Variants in NEMF observed in about 807,000 individuals in gnomAD.
NEMF encodes the protein nuclear export mediator factor.
A neutral mutation model predicts 162.2 loss-of-function variants in NEMF; 89 were observed. The ratio of observed to expected loss-of-function variants is 0.55; its 90% confidence interval spans 0.46 to 0.65. NEMF has a LOEUF of 0.65. Among genes scored for constraint, NEMF ranks in the 30% least tolerant of loss-of-function variants. The pLI, the probability that NEMF is intolerant of heterozygous loss-of-function variation, is 0.00. For synonymous variants in NEMF, 421 were observed against 404.5 expected, an observed-to-expected ratio of 1.04 and a Z score of -0.49; for missense variants, 1,133 against 1,261.9, an observed-to-expected ratio of 0.90 and a Z score of 1.55.
intron 8 of NEMF, 26 bp downstream of exon 8, chr14:49,833,397 T>C (rs367680470): frequency 1.4e-6 from 2 of 1,399,880 alleles, no homozygotes; most frequent in African/African-American, 2.8e-5. Flanking sequence ...ATCACAACAA[T>C]ATATAGTAAG....
In NEMF at chr14:49,808,760, A is replaced by G. The variant is rs1003916959; in HGVS notation, c.1745-2627T>C. On this transcript the variant is annotated intron_variant, in intron 18 of 32. Transcript: ENST00000298310. ...AAAAGTTAAGCCACTGACTGGCAGA[A>G]AATACTTGCAAAAGACATAGCAGAT... 2.0e-5 allele frequency among the ~76,000 whole-genome samples: 3 copies of G among 151,578 alleles called. No individual in the cohort carries two copies. In the Admixed American group the frequency reaches 2.0e-4, roughly 10 times the overall value.
chr14:49,798,138 C>T (rs755860550), intron 25 of NEMF, among the ~76,000 whole-genome samples: 10 of 152,206 alleles, frequency 6.6e-5, no homozygotes, highest in African/African-American at 1.9e-4. Context: ...GGTTGAAAAA[C>T]GAATGAATGA....
At chr14:49,786,887 T>TTA (rs1890203511) in intron 28 of NEMF, 137 bp from the exon 29 acceptor site, 2 of 706,894 alleles carry the variant, frequency 2.8e-6, no homozygotes, top group Admixed American at 5.4e-5. Flanking sequence ...GGCCTCAAGG[T>TTA]TATATTCTTC....
chr14:49,813,816 C>A (rs934294980), intron 18 of NEMF, among the ~76,000 whole-genome samples, 172 bp downstream of exon 18: 4 of 152,050 alleles, frequency 2.6e-5, no homozygotes, highest in African/African-American at 9.7e-5. Flanking sequence ...CTTGCCCAGT[C>A]TGGTCTCAAA....
chr14:49,851,910 C>T (rs1459639712), intron 1 of NEMF, 35 bp from the exon 2 acceptor site: 4 of 1,253,558 alleles, frequency 3.2e-6, no homozygotes, highest in East Asian at 2.3e-5. Flanking sequence ...ACATGTTACA[C>T]TATTGTCTGA....
intron 26 of NEMF, among the ~76,000 whole-genome samples, chr14:49,793,462 C>T (rs1242345977): frequency 1.3e-5 from 2 of 152,066 alleles, no homozygotes; most frequent in Non-Finnish European, 2.9e-5. Flanking sequence ...GCAGATTGCT[C>T]AGTTATAGTT....
At chr14:49,825,698 T>G (rs1381437111) in intron 16 of NEMF, among the ~76,000 whole-genome samples, 169 bp downstream of exon 16, 1 of 152,210 alleles carries the variant, frequency 6.6e-6, no homozygotes, top group Non-Finnish European at 1.5e-5. Flanking sequence ...TTCATGCCAC[T>G]GTATTCCACC....
chr14:49,841,570 C>T (rs1187874278), intron 4 of NEMF, among the ~76,000 whole-genome samples: 2 of 111,760 alleles, frequency 1.8e-5, no homozygotes, highest in Middle Eastern at 6.6e-3. Context: ...GCGAAACTCT[C>T]GTCTTAAGAA....
chr14:49,844,735 G>GCACACA (rs1334947542), intron 4 of NEMF: 205 of 158,428 alleles, frequency 1.3e-3, no homozygotes, highest in African/African-American at 3.8e-3. Context: ...GCGCACGCGC[G>GCACACA]CGCACACACA....
intron 4 of NEMF, 164 bp downstream of exon 4, chr14:49,845,976 G>A (rs917310802): frequency 1.7e-6 from 1 of 575,162 alleles, no homozygotes; most frequent in African/African-American, 1.9e-5. Flanking sequence ...TAAAATGAAG[G>A]TTATTACTGG....
At chr14:49,830,967 A>G (rs1892604218) in intron 11 of NEMF, among the ~76,000 whole-genome samples, 1 of 152,228 alleles carries the variant, frequency 6.6e-6, no homozygotes, top group East Asian at 1.9e-4. Flanking sequence ...TCTCCCTAAA[A>G]CAGTATCTCC....
chr14:49,799,790 T>C, intron 23 of NEMF, 112 bp from the exon 24 acceptor site: 1 of 876,938 alleles, frequency 1.1e-6, no homozygotes, highest in Non-Finnish European at 1.8e-6. Flanking sequence ...CAACAAATTT[T>C]CAAATTTGGT....
intron 16 of NEMF, among the ~76,000 whole-genome samples, chr14:49,822,496 G>T (rs189357224): frequency 9.9e-5 from 15 of 150,910 alleles, no homozygotes; most frequent in Non-Finnish European, 2.1e-4. Flanking sequence ...ACTCCAACAT[G>T]GGCAACAGAG....
At chr14:49,795,330 A>C (rs1400214482) in intron 26 of NEMF, among the ~76,000 whole-genome samples, 1 of 113,530 alleles carries the variant, frequency 8.8e-6, no homozygotes, top group Non-Finnish European at 1.6e-5. Context: ...ACAGAGCAAG[A>C]CTATCTTGGG....
chr14:49,788,904 T>A lies in NEMF; in HGVS notation c.2895+242A>T, dbSNP rs7150249. On this transcript the variant is annotated intron_variant, in intron 28 of 32. Transcript: ENST00000298310. Reference sequence around the variant, plus strand: ...TTCCCATCAGAATCAAAGCCTCTCCTTAAAACTGATTACTTCCTAAAGGCT... The same window carrying A: ...TTCCCATCAGAATCAAAGCCTCTCCATAAAACTGATTACTTCCTAAAGGCT... Among the ~76,000 whole-genome samples, 568 of 152,258 alleles carry A rather than the reference T, an allele frequency of 3.7e-3. 5 individuals carry two copies. Among genetic ancestry groups the A allele is most frequent in the African/African-American group, 0.013 (532 of 41,532 alleles).
chr14:49,840,471 A>C (rs2140006910), intron 5 of NEMF, among the ~76,000 whole-genome samples: 1 of 152,226 alleles, frequency 6.6e-6, no homozygotes, highest in South Asian at 2.1e-4. Flanking sequence ...CAAAAAAAAA[A>C]AAAACACCTA....
At chr14:49,789,385 A>G in intron 27 of NEMF, 42 bp from the exon 28 acceptor site, 1 of 1,611,580 alleles carries the variant, frequency 6.2e-7, no homozygotes, top group African/African-American at 1.3e-5. Context: ...TTGTATTTTC[A>G]ATACTGTGAA....
rs1892508499 is a variant in NEMF at position 49,829,039 on chromosome 14, A to G, written c.1232+15T>C. 1 of 1,601,836 alleles carries G rather than the reference A, an allele frequency of 6.2e-7. No homozygotes were observed. The highest frequency in any genetic ancestry group is 1.3e-5 in the African/African-American group (1 of 74,792). ...AAAGACAAGCATTAACTGCTTGACT[A>G]AGAGTCAAACTTACCTTAGCAGCAT... On this transcript the variant is annotated intron_variant, in intron 13 of 32. Transcript: ENST00000298310.
chr14:49,783,681 A>AT lies in NEMF; in HGVS notation c.*954_*955insA, dbSNP rs1451866789. On this transcript the variant is annotated 3_prime_UTR_variant, in exon 33 of 33. Transcript: ENST00000298310. ...CGCTTCTGGTATTATAGGTTAAGATACTCTAACGTGCTATATTGGTAATTA... is the reference window on the plus strand; with the variant it reads ...CGCTTCTGGTATTATAGGTTAAGATATCTCTAACGTGCTATATTGGTAATTA... 3.9e-5 allele frequency: 6 copies of AT among 152,160 alleles called. No homozygotes were observed. The highest frequency in any genetic ancestry group is 6.5e-5 in the Admixed American group (1 of 15,268). The allele number at this position is 152,160 out of a possible 1,614,324, so 9.4% of individuals were successfully genotyped here.
Sources: gnomAD v4.1 joint callset for allele counts (sites outside exome capture counted in the v4.1 genomes callset) on GRCh38, gnomAD v4.1.1 for gene constraint, MANE v1.5 for transcripts, NCBI Gene and HGNC (gene_info 2026-07-23, HGNC 2026-07-21) for gene names.